NPIPB6: variants seen among roughly 807,000 people sequenced by gnomAD.
NPIPB6 encodes nuclear pore complex-interacting protein family member B6.
Under a neutral mutation model 20.0 loss-of-function variants are expected in NPIPB6, and 2 were observed. That is an observed-to-expected ratio of 0.10 (90% CI 0.04 to 0.31). NPIPB6 has a LOEUF of 0.31. Among genes scored for constraint, NPIPB6 ranks in the 10% least tolerant of loss-of-function variants. The probability of loss-of-function intolerance (pLI) is 1.00; values close to 1 mark genes in which losing one functional copy is unlikely to be tolerated. For missense variants in NPIPB6, 96 were observed against 293.7 expected (o/e 0.33, Z 4.92); for synonymous variants, 35 against 116.3 (o/e 0.30, Z 4.50).
chr16:28,351,748 T>C (rs1207834825), intron 2 of NPIPB6, among the ~76,000 whole-genome samples: 4 of 96,678 alleles, frequency 4.1e-5, no homozygotes, highest in Non-Finnish European at 9.5e-5. Flanking sequence ...TGCCTAGATA[T>C]CTTCATAACT....
chr16:28,355,876 C>T lies in NPIPB6; in HGVS notation c.121-2815G>A, dbSNP rs576729229. On this transcript the variant is annotated intron_variant, in intron 1 of 6. Transcript: ENST00000532254. ...TAAGGGTATATATTTTGGCCAGGCG[C>T]GGTGGCTCACGCCTGTAATCCCAGC... Among the ~76,000 whole-genome samples, 9 of 120,854 alleles carry T rather than the reference C, an allele frequency of 7.4e-5. 2 individuals are homozygous for T. In the East Asian group the frequency reaches 1.5e-3, roughly 20 times the overall value. 79.3% of individuals were successfully genotyped at this position (120,854 alleles called of 152,430 possible). A position where few individuals can be genotyped will look rare whatever the true frequency, so the allele number is the denominator to read the frequency against.
At position 28,359,381 on chromosome 16, in the gene NPIPB6, C is replaced by T. The variant is rs1463913951; in HGVS notation, c.120+3322G>A. On this transcript the variant is annotated intron_variant, in intron 1 of 6. Transcript: ENST00000532254. ...CAGGCGGTCCCTCATGGAGGCATGG[C>T]CAGGCACCTTAGATTTGAGACCAGC... Among the ~76,000 whole-genome samples, 4 of 105,272 alleles carry T rather than the reference C, an allele frequency of 3.8e-5. No individual in the cohort carries two copies. The East Asian group carries it at 8.7e-4, about 23-fold the overall frequency. The allele number at this position is 105,272 out of a possible 152,430, so 69.1% of individuals were successfully genotyped here.
chr16:28,359,050 C>T (rs2045370370), intron 1 of NPIPB6, among the ~76,000 whole-genome samples: 1 of 118,128 alleles, frequency 8.5e-6, no homozygotes, highest in Non-Finnish European at 1.8e-5. Context: ...CCATTGCACT[C>T]CAGCCTGGGT....
exon 7 of NPIPB6, chr16:28,342,804 T>G: frequency 6.3e-7 from 1 of 1,589,752 alleles, no homozygotes; most frequent in Non-Finnish European, 8.6e-7. Context: ...CTCCACCTCT[T>G]GGGTTTGGGT....
At chr16:28,359,106 A>G (rs2045371780) in intron 1 of NPIPB6, among the ~76,000 whole-genome samples, 2 of 145,032 alleles carry the variant, frequency 1.4e-5, no homozygotes, top group Admixed American at 6.9e-5. Context: ...AAAAAAAAAA[A>G]AAGCCCTAGA....
At chr16:28,353,576 CCTGA>C (rs1221861615) in intron 1 of NPIPB6, among the ~76,000 whole-genome samples, 2 of 72,840 alleles carry the variant, frequency 2.7e-5, no homozygotes, top group African/African-American at 9.2e-5. Context: ...TGCCACCATG[CCTGA>C]CTCATTTTTG....
At chr16:28,343,100 C>T (rs1308039037) in exon 7 of NPIPB6, 1 of 1,452,554 alleles carries the variant, frequency 6.9e-7, no homozygotes, top group Non-Finnish European at 9.4e-7. Context: ...TGGCTGGCGG[C>T]CCATCCTGTT....
In NPIPB6 at chr16:28,348,281, T is replaced by TAA. The variant is rs1254547184; in HGVS notation, c.599+551_599+552dup. Among the ~76,000 whole-genome samples, 6 of 92,680 alleles carry TAA rather than the reference T, an allele frequency of 6.5e-5. 1 individual carries two copies. The highest frequency in any genetic ancestry group is 9.4e-5 in the Non-Finnish European group (4 of 42,552). The allele number at this position is 92,680 out of a possible 152,430, so 60.8% of individuals were successfully genotyped here. A position where few individuals can be genotyped will look rare whatever the true frequency, so the allele number is the denominator to read the frequency against. ...AGAGCGAGATTCTATCTCAAAATTT[T>TAA]AAAAAAAAAAAAAAAAGGCTGGGTG... On this transcript the variant is annotated intron_variant, in intron 4 of 6. Transcript: ENST00000532254.
intron 2 of NPIPB6, among the ~76,000 whole-genome samples, chr16:28,350,609 A>T (rs2045207938): frequency 8.5e-6 from 1 of 117,364 alleles, no homozygotes; most frequent in South Asian, 2.6e-4. Flanking sequence ...TGCAAATCCC[A>T]TCTCAGATGT....
intron 2 of NPIPB6, among the ~76,000 whole-genome samples, chr16:28,350,223 A>G (rs1444688075): frequency 9.3e-6 from 1 of 107,548 alleles, no homozygotes; most frequent in African/African-American, 3.1e-5. Flanking sequence ...AATGACATGA[A>G]TATACTTCAC....
intron 1 of NPIPB6, among the ~76,000 whole-genome samples, chr16:28,360,552 C>G (rs1165408404): frequency 3.7e-5 from 5 of 136,194 alleles, no homozygotes; most frequent in African/African-American, 1.3e-4. Flanking sequence ...CCTGTCATTT[C>G]CCATCAGTTC....
Position 28,349,546 on chromosome 16 carries a change from GTCAC to G in NPIPB6, c.304-309_304-306del, listed in dbSNP as rs1440964550. ...AGCCTGAGCGACAGAATGAGACTCTGTCACACACACACACACACACACACACACA... is the reference window on the plus strand; with the variant it reads ...AGCCTGAGCGACAGAATGAGACTCTGACACACACACACACACACACACACA... On this transcript the variant is annotated intron_variant, in intron 2 of 6. Transcript: ENST00000532254. 5.3e-3 allele frequency among the ~76,000 whole-genome samples: 433 copies of G among 82,098 alleles called. 38 individuals carry two copies. Among genetic ancestry groups the G allele is most frequent in the African/African-American group, 0.017 (396 of 23,880 alleles). 53.9% of individuals were successfully genotyped at this position (82,098 alleles called of 152,430 possible). A position where few individuals can be genotyped will look rare whatever the true frequency, so the allele number is the denominator to read the frequency against.
intron 1 of NPIPB6, among the ~76,000 whole-genome samples, chr16:28,361,442 G>A (rs1447624147): frequency 4.6e-5 from 7 of 151,162 alleles, no homozygotes; most frequent in Admixed American, 3.3e-4. Flanking sequence ...ATTTTATCTT[G>A]GACCGGGTGC....
At chr16:28,350,195 C>CA (rs1196457118) in intron 2 of NPIPB6, among the ~76,000 whole-genome samples, 48 of 42,662 alleles carry the variant, frequency 1.1e-3, no homozygotes, top group Middle Eastern at 0.029. Context: ...GACTCCGTCT[C>CA]AAAAAAAAAA....
chr16:28,359,981 TG>T (rs1178859098), intron 1 of NPIPB6, among the ~76,000 whole-genome samples: 1 of 144,380 alleles, frequency 6.9e-6, no homozygotes, highest in Non-Finnish European at 1.5e-5. Context: ...GGCTCGCACC[TG>T]GGGCCTCATG....
chr16:28,359,155 G>C (rs1377940276), intron 1 of NPIPB6, among the ~76,000 whole-genome samples: 1 of 139,148 alleles, frequency 7.2e-6, no homozygotes, highest in East Asian at 2.3e-4. Context: ...GACCAAGTAA[G>C]TGGGGGTTGA....
At chr16:28,362,409 A>C (rs2045462599) in intron 1 of NPIPB6, among the ~76,000 whole-genome samples, 1 of 151,684 alleles carries the variant, frequency 6.6e-6, no homozygotes, top group South Asian at 2.1e-4. Flanking sequence ...AAACTTGGCA[A>C]GATAATAAAT....
intron 1 of NPIPB6, among the ~76,000 whole-genome samples, chr16:28,361,597 C>T (rs1215530479): frequency 6.7e-6 from 1 of 148,230 alleles, no homozygotes; most frequent in African/African-American, 2.4e-5. Context: ...TGGTGCACAC[C>T]TGTAGTCCCA....
chr16:28,356,439 A>G, intron 1 of NPIPB6: 1 of 175,432 alleles, frequency 5.7e-6, no homozygotes, highest in Non-Finnish European at 1.1e-5. Flanking sequence ...CGGCCCCCTA[A>G]AGTGCTGGGA....
Sources: allele counts gnomAD v4.1 joint callset (sites outside exome capture counted in the v4.1 genomes callset), GRCh38; gene constraint gnomAD v4.1.1; transcripts MANE v1.5; gene names NCBI Gene and HGNC (gene_info 2026-07-23, HGNC 2026-07-21).